Variants in H3-3A observed in about 807,000 individuals in gnomAD.
H3-3A encodes the protein histone H3.3.
For synonymous variants in H3-3A, 49 were observed against 61.4 expected (o/e 0.80, Z 0.95); for missense variants, 7 against 184.0 (o/e 0.04, Z 5.57).
chr1:226,065,990 C>T, intron 3 of H3-3A, 181 bp downstream of exon 3: 1 of 618,744 alleles, frequency 1.6e-6, no homozygotes, highest in Admixed American at 2.8e-5. Flanking sequence ...TAGAAAATGG[C>T]AAAACCATAA....
chr1:226,064,761 T>G (rs1168633222), intron 2 of H3-3A, among the ~76,000 whole-genome samples: 6 of 152,174 alleles, frequency 3.9e-5, no homozygotes, highest in Non-Finnish European at 7.3e-5. Context: ...ATATTGACAT[T>G]TTAGTTAACT....
At chr1:226,071,307 T>G (rs1658115310) in intron 3 of H3-3A, 44 bp from the exon 4 acceptor site, 5 of 1,546,720 alleles carry the variant, frequency 3.2e-6, no homozygotes, top group Non-Finnish European at 4.5e-6. Flanking sequence ...TCTTAACTAT[T>G]GGAAATAACA....
chr1:226,062,473 C>G (rs1309938846), upstream of H3-3A, among the ~76,000 whole-genome samples: 2 of 149,658 alleles, frequency 1.3e-5, no homozygotes, highest in Non-Finnish European at 3.0e-5. Flanking sequence ...CCGGCGGCCC[C>G]TCAGCGTGTC....
intron 3 of H3-3A, among the ~76,000 whole-genome samples, 190 bp from the exon 4 acceptor site, chr1:226,071,160 GT>G (rs372543488): frequency 3.9e-5 from 6 of 151,918 alleles, no homozygotes; most frequent in African/African-American, 1.2e-4. Flanking sequence ...TTAAGCTTTT[GT>G]TTTTTTTCAT....
intron 2 of H3-3A, among the ~76,000 whole-genome samples, chr1:226,064,746 G>A (rs1301485013): frequency 6.6e-6 from 1 of 152,092 alleles, no homozygotes; most frequent in African/African-American, 2.4e-5. Flanking sequence ...TAATGTTAAT[G>A]GGATATATTG....
upstream of H3-3A, among the ~76,000 whole-genome samples, chr1:226,062,443 G>T (rs1006875109): frequency 1.8e-4 from 27 of 151,308 alleles, no homozygotes; most frequent in African/African-American, 6.0e-4. Context: ...GCCGGGTGCG[G>T]GCGGCAGTCT....
At chr1:226,062,493 T>C (rs1657745730), upstream of H3-3A, among the ~76,000 whole-genome samples, 1 of 147,774 alleles carries the variant, frequency 6.8e-6, no homozygotes, top group Non-Finnish European at 1.5e-5. Flanking sequence ...CTTTTGTGTT[T>C]GTACACACAC....
intron 3 of H3-3A, among the ~76,000 whole-genome samples, chr1:226,068,462 C>T (rs936964027): frequency 6.6e-6 from 1 of 152,234 alleles, no homozygotes; most frequent in East Asian, 1.9e-4. Flanking sequence ...TCTGTAATCC[C>T]GAGGTGCCAG....
At chr1:226,063,876 A>G (rs1252749904) in intron 1 of H3-3A, 1 of 133,594 alleles carries the variant, frequency 7.5e-6, no homozygotes, top group East Asian at 2.6e-4. Flanking sequence ...TATTTACAGC[A>G]ATCCATCAAC....
At chr1:226,070,133 G>GTACTTGGTAGAGGACAGGGGCA (rs1658058716) in intron 3 of H3-3A, among the ~76,000 whole-genome samples, 1 of 152,142 alleles carries the variant, frequency 6.6e-6, no homozygotes, top group African/African-American at 2.4e-5. Context: ...GTAGAGGAAG[G>GTACTTGGTAGAGGACAGGGGCA]TACTTGGTAG....
At chr1:226,065,979 G>A (rs951186151) in intron 3 of H3-3A, 170 bp downstream of exon 3, 6 of 631,528 alleles carry the variant, frequency 9.5e-6, no homozygotes, top group East Asian at 2.7e-5. Context: ...GGTCATACAC[G>A]TAGAAAATGG....
chr1:226,062,502 A>G (rs1657746299), upstream of H3-3A, among the ~76,000 whole-genome samples: 1 of 146,310 alleles, frequency 6.8e-6, no homozygotes. Flanking sequence ...TTGTACACAC[A>G]CGGCGCGAGG....
At chr1:226,066,092 A>G (rs1009253424) in intron 3 of H3-3A, 1 of 497,992 alleles carries the variant, frequency 2.0e-6, no homozygotes, top group Admixed American at 3.4e-5. Flanking sequence ...TTTAAAGAAA[A>G]TCCTCTGGTT....
intron 3 of H3-3A, among the ~76,000 whole-genome samples, chr1:226,070,356 G>A (rs550853169): frequency 1.7e-4 from 26 of 151,732 alleles, no homozygotes; most frequent in Non-Finnish European, 2.9e-4. Context: ...CCTGTAGCCC[G>A]AGCTACTCGG....
At chr1:226,067,664 C>T (rs1657972717) in intron 3 of H3-3A, among the ~76,000 whole-genome samples, 2 of 151,754 alleles carry the variant, frequency 1.3e-5, no homozygotes, top group Non-Finnish European at 2.9e-5. Context: ...ATTGCTTAAA[C>T]CCGGAAAGCA....
chr1:226,063,375 T>G (rs1657803894), intron 1 of H3-3A, among the ~76,000 whole-genome samples: 1 of 152,012 alleles, frequency 6.6e-6, no homozygotes. Flanking sequence ...GGGACGTTTT[T>G]TTCCCTTTTT....
At chr1:226,070,977 G>T (rs578127888) in intron 3 of H3-3A, among the ~76,000 whole-genome samples, 1 of 152,296 alleles carries the variant, frequency 6.6e-6, no homozygotes, top group East Asian at 1.9e-4. Flanking sequence ...AGGCTGGGAT[G>T]GGGTATTTGG....
chr1:226,067,929 TAATC>T (rs1447988160), intron 3 of H3-3A, among the ~76,000 whole-genome samples: 1 of 152,230 alleles, frequency 6.6e-6, no homozygotes, highest in African/African-American at 2.4e-5. Flanking sequence ...TTGCCATAGA[TAATC>T]AATAATTGAC....
chr1:226,063,430 T>C (rs1004404688), intron 1 of H3-3A, among the ~76,000 whole-genome samples: 10 of 152,214 alleles, frequency 6.6e-5, no homozygotes, highest in African/African-American at 1.4e-4. Context: ...AAAAAAACTT[T>C]TGCATTTTGG....
Sources: allele counts gnomAD v4.1 joint callset (sites outside exome capture counted in the v4.1 genomes callset), GRCh38; gene constraint gnomAD v4.1.1; transcripts MANE v1.5; gene names NCBI Gene and HGNC (gene_info 2026-07-23, HGNC 2026-07-21).